ADD1: variants seen among roughly 807,000 people sequenced by gnomAD.
The protein encoded by ADD1 is alpha-adducin.
In ADD1, 24 loss-of-function variants were observed where a neutral mutation model predicts 80.5. The observed-to-expected ratio is 0.30, with a 90% CI of 0.22 to 0.42. The LOEUF is 0.42. ADD1 is among the 10% of genes least tolerant of loss of function. The pLI is 1.00. For missense variants in ADD1, 948 were observed against 1,019.0 expected (o/e 0.93, Z 0.95); for synonymous variants, 373 against 393.8 (o/e 0.95, Z 0.63).
chr4:2,882,502 C>T (rs189173743), intron 3 of ADD1, among the ~76,000 whole-genome samples: 1 of 152,320 alleles, frequency 6.6e-6, no homozygotes, highest in Admixed American at 6.5e-5. Flanking sequence ...GAATGGTCAG[C>T]TGTGCAAGAA....
intron 1 of ADD1, among the ~76,000 whole-genome samples, chr4:2,861,305 C>T (rs1308384094): frequency 6.6e-6 from 1 of 152,176 alleles, no homozygotes; most frequent in African/African-American, 2.4e-5. Flanking sequence ...CCATTGAACT[C>T]TTGGCCCCAA....
chr4:2,882,101 C>G (rs1732452318), intron 3 of ADD1, 41 bp downstream of exon 3: 1 of 1,528,094 alleles, frequency 6.5e-7, no homozygotes. Context: ...CTGTAGTTTT[C>G]AGGTAAAATT....
chr4:2,910,127 A>G (rs186223912), intron 13 of ADD1, among the ~76,000 whole-genome samples: 1 of 149,078 alleles, frequency 6.7e-6, no homozygotes, highest in Admixed American at 6.8e-5. Context: ...GTAGAAGGAA[A>G]TCCTCCCTAA....
At chr4:2,909,488 C>T (rs1006233493) in intron 13 of ADD1, 57 bp downstream of exon 13, 1 of 1,100,638 alleles carries the variant, frequency 9.1e-7, no homozygotes, top group East Asian at 5.0e-5. Context: ...CTCCCCTCCC[C>T]CCTCCCCGTC....
At chr4:2,882,817 A>T (rs1295749334) in intron 3 of ADD1, among the ~76,000 whole-genome samples, 2 of 152,154 alleles carry the variant, frequency 1.3e-5, no homozygotes, top group African/African-American at 4.8e-5. Flanking sequence ...TCCTGAAATC[A>T]CATGGCCACC....
intron 14 of ADD1, among the ~76,000 whole-genome samples, chr4:2,924,964 T>C (rs1182129227): frequency 2.6e-5 from 4 of 152,118 alleles, no homozygotes; most frequent in African/African-American, 7.2e-5. Flanking sequence ...ATATGTGGAG[T>C]TTCCCCCCGA....
At chr4:2,874,538 C>T (rs748784292) in intron 1 of ADD1, among the ~76,000 whole-genome samples, 4 of 147,876 alleles carry the variant, frequency 2.7e-5, no homozygotes, top group African/African-American at 5.0e-5. Flanking sequence ...ACCTGGGAGG[C>T]GGAGGTTTCA....
Position 2,916,533 on chromosome 4 carries a change from T to TC in ADD1, c.1948+1493_1948+1494insC, listed in dbSNP as rs539209650. Among the ~76,000 whole-genome samples the TC allele has an allele frequency of 2.7e-3, 418 of 152,112 alleles. 2 individuals carry two copies. Among genetic ancestry groups the TC allele is most frequent in the Admixed American group, 4.8e-3 (74 of 15,262 alleles). ...TAAGAGACTTTTGTCTCTCTCTCTC[T>TC]TTTTTTTAAATTAATTATACTTTAA... is the stretch of plus-strand genomic sequence containing the variant. On this transcript the variant is annotated intron_variant, in intron 14 of 15. Coordinates refer to ENST00000683351, the MANE Select transcript of ADD1 (RefSeq NM_001354761.2).
chr4:2,919,803 G>T (rs1739696610), intron 14 of ADD1, among the ~76,000 whole-genome samples: 2 of 151,074 alleles, frequency 1.3e-5, no homozygotes, highest in Non-Finnish European at 2.9e-5. Flanking sequence ...TGGATTCATT[G>T]ATTTTTTTTT....
chr4:2,872,829 G>T (rs574065714), intron 1 of ADD1, among the ~76,000 whole-genome samples: 1 of 151,930 alleles, frequency 6.6e-6, no homozygotes, highest in East Asian at 1.9e-4. Flanking sequence ...CAAAGTGCTG[G>T]GATTACAGGC....
At chr4:2,850,921 C>T (rs1726986084) in intron 1 of ADD1, among the ~76,000 whole-genome samples, 1 of 152,184 alleles carries the variant, frequency 6.6e-6, no homozygotes, top group African/African-American at 2.4e-5. Context: ...TTGACTGGGG[C>T]TCCAGCTGGG....
intron 1 of ADD1, among the ~76,000 whole-genome samples, chr4:2,872,201 G>C (rs1341176173): frequency 1.3e-5 from 2 of 152,182 alleles, no homozygotes; most frequent in Non-Finnish European, 2.9e-5. Context: ...GGTTCATCCA[G>C]ATTTTTGTTT....
intron 8 of ADD1, 192 bp from the exon 9 acceptor site, chr4:2,899,067 A>G: frequency 1.6e-6 from 1 of 620,872 alleles, no homozygotes; most frequent in Non-Finnish European, 2.7e-6. Context: ...TTTGGTGCCC[A>G]ATATTTTTGT....
At chr4:2,865,293 A>G (rs1355452875) in intron 1 of ADD1, among the ~76,000 whole-genome samples, 1 of 152,186 alleles carries the variant, frequency 6.6e-6, no homozygotes, top group East Asian at 1.9e-4. Context: ...AGCTGACACA[A>G]TTAATTTTCA....
intron 13 of ADD1, among the ~76,000 whole-genome samples, chr4:2,910,769 A>C (rs577653435): frequency 4.0e-4 from 61 of 152,244 alleles, no homozygotes; most frequent in African/African-American, 1.4e-3. Context: ...TGAACGATAG[A>C]GGTAGGGTCC....
chr4:2,865,848 G>T (rs1729465915), intron 1 of ADD1, among the ~76,000 whole-genome samples: 1 of 152,098 alleles, frequency 6.6e-6, no homozygotes, highest in Non-Finnish European at 1.5e-5. Flanking sequence ...TTAATTGAAG[G>T]ACAGTAACAG....
chr4:2,847,953 G>A (rs540978219), intron 1 of ADD1, among the ~76,000 whole-genome samples: 4 of 152,238 alleles, frequency 2.6e-5, no homozygotes, highest in South Asian at 4.1e-4. Context: ...GGTGGCTCAC[G>A]TCTGTAATCC....
chr4:2,887,714 T>C (rs1375570075), intron 4 of ADD1: 1 of 152,216 alleles, frequency 6.6e-6, no homozygotes, highest in Non-Finnish European at 1.5e-5. Context: ...AGTGGTCTCC[T>C]CTGGAGGTAC....
chr4:2,928,308 C>T lies in ADD1; in HGVS notation c.2185C>T (p.Pro729Ser), dbSNP rs781597772. The change falls in exon 16 of 16, where the codon CCC becomes TCC. Residue 729 changes from proline to serine, a missense_variant. Physicochemically the swap from Pro to Ser is moderately conservative, Grantham distance 74. Transcript: ENST00000683351. ...MLEKEEEAHR[P>S]PSPTEAPTEA... Reference sequence around the variant, plus strand: ...AGAGAAGGAGGAGGAAGCCCATAGACCCCCAAGCCCCACTGAGGCCCCTAC... The same window carrying T: ...AGAGAAGGAGGAGGAAGCCCATAGATCCCCAAGCCCCACTGAGGCCCCTAC... 9.3e-6 allele frequency: 15 copies of T among 1,613,948 alleles called. No individual in the cohort carries two copies. The Admixed American group carries it at 1.0e-4, about 11-fold the overall frequency.
Sources: gnomAD v4.1 joint callset for allele counts (sites outside exome capture counted in the v4.1 genomes callset) on GRCh38, gnomAD v4.1.1 for gene constraint, MANE v1.5 for transcripts, NCBI Gene and HGNC (gene_info 2026-07-23, HGNC 2026-07-21) for gene names.